Variants in MED12L observed in about 807,000 individuals in gnomAD.
The protein encoded by MED12L is mediator complex subunit 12L.
Under a neutral mutation model 281.3 loss-of-function variants are expected in MED12L, and 60 were observed. That is an observed-to-expected ratio of 0.21 (90% CI 0.17 to 0.26). MED12L has a LOEUF of 0.26. MED12L is among the 10% of genes least tolerant of loss of function. The probability of loss-of-function intolerance (pLI) is 1.00; values close to 1 mark genes in which losing one functional copy is unlikely to be tolerated. For synonymous variants in MED12L, 974 were observed against 987.2 expected (o/e 0.99, Z 0.25); for missense variants, 2,146 against 2,680.9 (o/e 0.80, Z 4.41).
At position 151,253,500 on chromosome 3, in the gene MED12L, T is replaced by C. The variant is rs140486110; in HGVS notation, c.2250+59834T>C. Reference sequence around the variant, plus strand: ...CATGGGCCCTCTTAAATTTCAACTTTAGTGGAGCTTTCCTTTATGTTCTTA... The same window carrying C: ...CATGGGCCCTCTTAAATTTCAACTTCAGTGGAGCTTTCCTTTATGTTCTTA... On this transcript the variant is annotated intron_variant, in intron 16 of 44. Coordinates refer to ENST00000687756, the MANE Select transcript of MED12L (RefSeq NM_001393769.1). Among the ~76,000 whole-genome samples the C allele has an allele frequency of 2.0e-5, 3 of 152,328 alleles. No individual in the cohort carries two copies. The East Asian group carries it at 5.8e-4, about 29-fold the overall frequency.
chr3:151,341,912 A>C (rs1430054558), intron 16 of MED12L, among the ~76,000 whole-genome samples: 1 of 152,078 alleles, frequency 6.6e-6, no homozygotes, highest in Non-Finnish European at 1.5e-5. Flanking sequence ...TGAACTCATC[A>C]TTTTTTATGG....
At chr3:151,100,923 T>A (rs1175761652) in intron 2 of MED12L, among the ~76,000 whole-genome samples, 1 of 152,214 alleles carries the variant, frequency 6.6e-6, no homozygotes, top group African/African-American at 2.4e-5. Flanking sequence ...GAAATGTGCT[T>A]CTCAAAATAA....
At position 151,253,039 on chromosome 3, in the gene MED12L, G is replaced by A. The variant is rs2870522; in HGVS notation, c.2250+59373G>A. Among the ~76,000 whole-genome samples, 170 of 152,240 alleles carry A rather than the reference G, an allele frequency of 1.1e-3. 2 individuals are homozygous for A. The highest frequency in any genetic ancestry group is 3.8e-3 in the African/African-American group (158 of 41,536). Reference sequence around the variant, plus strand: ...GTCGTGAGCTAAAGGGAGAAATTATGTTGCCTTAAACTAAAGTCCCTGTCT... The same window carrying A: ...GTCGTGAGCTAAAGGGAGAAATTATATTGCCTTAAACTAAAGTCCCTGTCT... On this transcript the variant is annotated intron_variant, in intron 16 of 44. Coordinates refer to ENST00000687756, the MANE Select transcript of MED12L (RefSeq NM_001393769.1).
intron 16 of MED12L, among the ~76,000 whole-genome samples, chr3:151,240,132 G>A (rs545071081): frequency 6.6e-6 from 1 of 151,608 alleles, no homozygotes; most frequent in African/African-American, 2.4e-5. Flanking sequence ...CAGGACCATT[G>A]TTCTGGCCAG....
In MED12L at chr3:151,087,157, C is replaced by T. The variant is rs1042679495; in HGVS notation, c.99+132C>T. 9.5e-6 allele frequency: 7 copies of T among 737,366 alleles called. No homozygotes were observed. The African/African-American group carries it at 1.1e-4, about 12-fold the overall frequency. The allele number at this position is 737,366 out of a possible 1,614,324, so 45.7% of individuals were successfully genotyped here. A position where few individuals can be genotyped will look rare whatever the true frequency, so the allele number is the denominator to read the frequency against. The stretch of plus-strand genomic sequence containing the variant: ...GGGGAGGGGGATTAGAGGCGGGGGC[C>T]AGGCTGGGGGTGCTGGGCGACCCCC... On this transcript the variant is annotated intron_variant, in intron 2 of 44. Transcript: ENST00000687756.
intron 16 of MED12L, among the ~76,000 whole-genome samples, chr3:151,325,479 T>A (rs989539308): frequency 2.0e-5 from 3 of 152,218 alleles, no homozygotes; most frequent in East Asian, 1.9e-4. Context: ...TTGTTTTTTT[T>A]AATATTTTAG....
intron 11 of MED12L, among the ~76,000 whole-genome samples, chr3:151,173,955 G>A (rs1260851555): frequency 6.6e-6 from 1 of 152,158 alleles, no homozygotes; most frequent in African/African-American, 2.4e-5. Flanking sequence ...GTACAGTGAT[G>A]AATTTTGGAA....
At chr3:151,169,534 C>T (rs1455077300) in intron 11 of MED12L, among the ~76,000 whole-genome samples, 3 of 152,182 alleles carry the variant, frequency 2.0e-5, no homozygotes, top group African/African-American at 7.2e-5. Context: ...AGGCTTTGTG[C>T]AATAGTGCCC....
At chr3:151,320,898 C>G (rs1748918504) in intron 16 of MED12L, among the ~76,000 whole-genome samples, 1 of 152,174 alleles carries the variant, frequency 6.6e-6, no homozygotes, top group Non-Finnish European at 1.5e-5. Context: ...CAAAGCATAT[C>G]TTCTTCTGAA....
intron 2 of MED12L, among the ~76,000 whole-genome samples, chr3:151,087,902 T>G (rs76710675): frequency 2.6e-5 from 4 of 152,098 alleles, no homozygotes; most frequent in South Asian, 2.1e-4. Context: ...GTTTTTTTTT[T>G]GATCACCTGC....
chr3:151,238,335 C>T (rs1019216670), intron 16 of MED12L, among the ~76,000 whole-genome samples: 20 of 151,954 alleles, frequency 1.3e-4, no homozygotes, highest in East Asian at 3.9e-4. Context: ...TTAGTAGAGA[C>T]GGGGTTTCAC....
intron 37 of MED12L, among the ~76,000 whole-genome samples, chr3:151,389,045 G>A (rs1017239440): frequency 2.0e-5 from 3 of 152,248 alleles, no homozygotes; most frequent in Non-Finnish European, 4.4e-5. Context: ...TGATAGCTTG[G>A]TGATTAATAC....
At chr3:151,086,712 G>C (rs1719264561) in intron 1 of MED12L, 86 bp from the exon 2 acceptor site, 1 of 423,738 alleles carries the variant, frequency 2.4e-6, no homozygotes, top group African/African-American at 2.1e-5. Context: ...GCGCAGCCGA[G>C]TACCCGCCGA....
chr3:151,248,137 A>C (rs150738688), intron 16 of MED12L, among the ~76,000 whole-genome samples: 10 of 152,138 alleles, frequency 6.6e-5, no homozygotes, highest in African/African-American at 2.4e-4. Context: ...AAAACAAAAA[A>C]TGCTATGAAT....
chr3:151,338,810 A>T (rs6809699), intron 16 of MED12L: 1 of 1,613,652 alleles, frequency 6.2e-7, no homozygotes. Flanking sequence ...GACTGGTGTT[A>T]CCAGGCGCAG....
chr3:151,435,653 A>G lies in MED12L; in HGVS notation c.*2849A>G, dbSNP rs574945584. On this transcript the variant is annotated 3_prime_UTR_variant, in exon 45 of 45. Coordinates refer to ENST00000687756, the MANE Select transcript of MED12L (RefSeq NM_001393769.1). ...GTAAGTACTAGGTGAATGTTTGAAT[A>G]GATGCTGGAGAAATTACACTGGAAA... 2 of 152,258 alleles carry G rather than the reference A, an allele frequency of 1.3e-5. No homozygotes were observed. Among genetic ancestry groups the G allele is most frequent in the African/African-American group, 4.8e-5 (2 of 41,528 alleles). 9.4% of individuals were successfully genotyped at this position (152,258 alleles called of 1,614,324 possible).
At chr3:151,146,718 T>C (rs576128607) in intron 5 of MED12L, among the ~76,000 whole-genome samples, 25 of 152,312 alleles carry the variant, frequency 1.6e-4, no homozygotes, top group Admixed American at 3.3e-4. Flanking sequence ...TACAGGTAAT[T>C]CTGTTAGAGG....
chr3:151,415,101 G>A lies in MED12L; in HGVS notation c.6298-1211G>A, dbSNP rs749449874. On this transcript the variant is annotated intron_variant, in intron 42 of 44. Transcript: ENST00000687756. ...ACTGAGGAAAGTTACCACATTATTT[G>A]TTTACTTACCAGTTTTAAATCTTAT... is the stretch of plus-strand genomic sequence containing the variant. Among the ~76,000 whole-genome samples, 8 of 152,102 alleles carry A rather than the reference G, an allele frequency of 5.3e-5. 1 individual carries two copies. The highest frequency in any genetic ancestry group is 1.0e-4 in the Non-Finnish European group (7 of 68,008).
At chr3:151,235,640 G>T (rs1436752553) in intron 16 of MED12L, among the ~76,000 whole-genome samples, 1 of 152,124 alleles carries the variant, frequency 6.6e-6, no homozygotes, top group Non-Finnish European at 1.5e-5. Context: ...GTCGCAGTGA[G>T]CTGAGGTCGC....
Sources: allele counts gnomAD v4.1 joint callset (sites outside exome capture counted in the v4.1 genomes callset), GRCh38; gene constraint gnomAD v4.1.1; transcripts MANE v1.5; gene names NCBI Gene and HGNC (gene_info 2026-07-23, HGNC 2026-07-21).